The following ZBTB44 variants were observed in gnomAD, a reference collection of about 807,000 sequenced individuals.
ZBTB44 encodes zinc finger and BTB domain-containing protein 44.
In ZBTB44, 15 loss-of-function variants were observed where a neutral mutation model predicts 54.0. The observed-to-expected ratio is 0.28, with a 90% confidence interval of 0.19 to 0.43. The LOEUF is 0.43. ZBTB44 is among the 20% of genes least tolerant of loss of function. The pLI is 1.00. For missense variants in ZBTB44, 487 were observed against 707.1 expected, an observed-to-expected ratio of 0.69 and a Z score of 3.53; for synonymous variants, 230 against 250.1, an observed-to-expected ratio of 0.92 and a Z score of 0.76.
At chr11:130,308,263 C>T (rs1942389162) in intron 1 of ZBTB44, among the ~76,000 whole-genome samples, 1 of 152,156 alleles carries the variant, frequency 6.6e-6, no homozygotes, top group Non-Finnish European at 1.5e-5. Flanking sequence ...CCTAACGACG[C>T]ATTTCTCAGA....
intron 1 of ZBTB44, among the ~76,000 whole-genome samples, chr11:130,305,345 G>C (rs534886877): frequency 3.9e-4 from 59 of 152,136 alleles, no homozygotes; most frequent in Non-Finnish European, 6.9e-4. Flanking sequence ...CACATTACCT[G>C]ACTTCAAACT....
At chr11:130,240,475 G>A (rs764622106) in intron 2 of ZBTB44, among the ~76,000 whole-genome samples, 11 of 152,084 alleles carry the variant, frequency 7.2e-5, no homozygotes, top group East Asian at 1.9e-4. Flanking sequence ...ATTCAAAAGC[G>A]AACAAAAATC....
In ZBTB44 at chr11:130,289,651, T is replaced by C. The variant is rs1442881922; in HGVS notation, c.-57+24724A>G. ...AAAACAAGCCAACTAAATTTGCATATCTGTATTGAAGGCCTAGAATTGTGG... is the reference window on the plus strand; with the variant it reads ...AAAACAAGCCAACTAAATTTGCATACCTGTATTGAAGGCCTAGAATTGTGG... On this transcript the variant is annotated intron_variant, in intron 1 of 7. Coordinates refer to ENST00000357899, the MANE Select transcript of ZBTB44 (RefSeq NM_001301098.2). Among the ~76,000 whole-genome samples, 8 of 151,672 alleles carry C rather than the reference T, an allele frequency of 5.3e-5. No individual in the cohort carries two copies. The East Asian group carries it at 1.2e-3, about 22-fold the overall frequency.
At chr11:130,245,775 T>C (rs1339410115) in intron 2 of ZBTB44, among the ~76,000 whole-genome samples, 1 of 152,200 alleles carries the variant, frequency 6.6e-6, no homozygotes, top group Non-Finnish European at 1.5e-5. Flanking sequence ...AGGCAGGCCA[T>C]ACTCTTTCGA....
chr11:130,297,118 A>G (rs750737132), intron 1 of ZBTB44, among the ~76,000 whole-genome samples: 3 of 152,210 alleles, frequency 2.0e-5, no homozygotes, highest in South Asian at 2.1e-4. Flanking sequence ...CCTTGATTTA[A>G]TAAGATTTTT....
intron 1 of ZBTB44, chr11:130,295,947 T>C: frequency 6.6e-7 from 1 of 1,526,670 alleles, no homozygotes; most frequent in South Asian, 1.1e-5. Flanking sequence ...AACTTGCTAA[T>C]GGGATCAACA....
At chr11:130,269,583 T>G (rs888689350) in intron 1 of ZBTB44, among the ~76,000 whole-genome samples, 12 of 152,320 alleles carry the variant, frequency 7.9e-5, no homozygotes, top group African/African-American at 2.9e-4. Context: ...CTAAACAACA[T>G]ATAATTTAAG....
rs553081152 is a variant in ZBTB44 at position 130,279,197 on chromosome 11, C to G, written c.-56-17268G>C. On this transcript the variant is annotated intron_variant, in intron 1 of 7. Coordinates refer to ENST00000357899, the MANE Select transcript of ZBTB44 (RefSeq NM_001301098.2). ...ACAATGCTAAGCCTTGGATGTTGAT[C>G]CACAGAGAGGTACATTTTTGGGTAC... is the stretch of plus-strand genomic sequence containing the variant. Among the ~76,000 whole-genome samples the G allele has an allele frequency of 1.1e-4, 17 of 151,952 alleles. No homozygotes were observed. In the East Asian group the frequency reaches 3.3e-3, roughly 29 times the overall value.
intron 2 of ZBTB44, among the ~76,000 whole-genome samples, chr11:130,258,242 A>C (rs999770001): frequency 6.6e-6 from 1 of 152,240 alleles, no homozygotes; most frequent in South Asian, 2.1e-4. Context: ...ATAAAGTGTT[A>C]CCATTATTTC....
chr11:130,265,280 G>A (rs938402900), intron 1 of ZBTB44, among the ~76,000 whole-genome samples: 1 of 152,060 alleles, frequency 6.6e-6, no homozygotes, highest in African/African-American at 2.4e-5. Context: ...AGGCTGGAGT[G>A]CAGTGGCACA....
At chr11:130,292,462 A>G (rs921842404) in intron 1 of ZBTB44, among the ~76,000 whole-genome samples, 2 of 152,184 alleles carry the variant, frequency 1.3e-5, no homozygotes, top group African/African-American at 4.8e-5. Context: ...TCTATATTCT[A>G]TAACTGCCTA....
chr11:130,267,349 G>A (rs192243918), intron 1 of ZBTB44, among the ~76,000 whole-genome samples: 11 of 152,076 alleles, frequency 7.2e-5, no homozygotes, highest in African/African-American at 2.7e-4. Context: ...AAAAGTGCAA[G>A]GTAAAGCTGC....
intron 1 of ZBTB44, among the ~76,000 whole-genome samples, chr11:130,283,772 C>T (rs1200717710): frequency 4.0e-5 from 6 of 150,710 alleles, no homozygotes; most frequent in African/African-American, 1.2e-4. Flanking sequence ...TTGAGATCCA[C>T]CTGGCCAAAA....
At chr11:130,264,208 G>GT (rs1465833986) in intron 1 of ZBTB44, among the ~76,000 whole-genome samples, 2 of 152,172 alleles carry the variant, frequency 1.3e-5, no homozygotes, top group Non-Finnish European at 2.9e-5. Flanking sequence ...GTTTAGAATA[G>GT]TAACTAGTAA....
In ZBTB44 at chr11:130,261,104, G is replaced by C. The variant is rs1938832072; in HGVS notation, c.770C>G (p.Pro257Arg). 2 of 1,614,004 alleles carry C rather than the reference G, an allele frequency of 1.2e-6. No homozygotes were observed. Among genetic ancestry groups the C allele is most frequent in the East Asian group, 2.2e-5 (1 of 44,868 alleles). The change falls in exon 2 of 8, where the codon CCT becomes CGT. Residue 257 changes from proline to arginine, a missense_variant. By Grantham distance (103) the Pro-to-Arg change is moderately radical. Coordinates refer to ENST00000357899, the MANE Select transcript of ZBTB44 (RefSeq NM_001301098.2). The surrounding 1 kb of genome is among the most constrained non-coding windows in gnomAD (Gnocchi z 4.8). The stretch of plus-strand genomic sequence containing the variant: ...TCTTCTACCGGTCTCAGATGGGCCA[G>C]GTAATTCTAAAGTCCGGGTATTTTC... The part of the protein sequence containing the change: ...QAENTRTLEL[P>R]GPSETGRRMA...
chr11:130,271,607 T>C (rs1939674186), intron 1 of ZBTB44, among the ~76,000 whole-genome samples: 1 of 152,254 alleles, frequency 6.6e-6, no homozygotes, highest in African/African-American at 2.4e-5. Context: ...CATATAATAA[T>C]GTGGACGTTT....
chr11:130,242,298 T>G (rs1266437914), intron 2 of ZBTB44, among the ~76,000 whole-genome samples: 2 of 152,204 alleles, frequency 1.3e-5, no homozygotes, highest in Non-Finnish European at 2.9e-5. Flanking sequence ...AAGCTTTAAC[T>G]CCATTTCCCA....
intron 2 of ZBTB44, among the ~76,000 whole-genome samples, chr11:130,243,955 C>T (rs1008011275): frequency 2.0e-5 from 3 of 152,028 alleles, no homozygotes; most frequent in Non-Finnish European, 4.4e-5. Context: ...TGTGGGGCAA[C>T]TTTTCTAAGA....
intron 1 of ZBTB44, among the ~76,000 whole-genome samples, chr11:130,309,334 A>G (rs1942453791): frequency 6.6e-6 from 1 of 152,240 alleles, no homozygotes; most frequent in Non-Finnish European, 1.5e-5. Context: ...GAGGATGAAC[A>G]CAGGAAAACA....
Sources: allele counts gnomAD v4.1 joint callset (sites outside exome capture counted in the v4.1 genomes callset), GRCh38; gene constraint gnomAD v4.1.1; non-coding constraint Gnocchi (gnomAD v3.1); transcripts MANE v1.5; gene names NCBI Gene and HGNC (gene_info 2026-07-23, HGNC 2026-07-21).